The following DLGAP1 variants were observed in gnomAD, a reference collection of about 807,000 sequenced individuals.
DLGAP1 encodes the protein DLG associated protein 1, also known as disks large-associated protein 1.
In DLGAP1, 11 loss-of-function variants were observed where a neutral mutation model predicts 90.8. That is an observed-to-expected ratio of 0.12 (90% CI 0.08 to 0.20). The LOEUF is 0.20. DLGAP1 is among the 10% of genes least tolerant of loss of function. DLGAP1 has a pLI of 1.00. For synonymous variants in DLGAP1, 558 were observed against 540.7 expected (o/e 1.03, Z -0.44); for missense variants, 1,050 against 1,333.8 (o/e 0.79, Z 3.31).
intron 9 of DLGAP1, among the ~76,000 whole-genome samples, chr18:3,536,459 G>A (rs958514618): frequency 6.6e-6 from 1 of 151,980 alleles, no homozygotes; most frequent in Non-Finnish European, 1.5e-5. Context: ...CCTGACCTCA[G>A]GTGATCTGCC....
chr18:4,216,748 G>A (rs1260335588), intron 1 of DLGAP1, among the ~76,000 whole-genome samples: 1 of 151,874 alleles, frequency 6.6e-6, no homozygotes, highest in Non-Finnish European at 1.5e-5. Context: ...AGCAGTTTTG[G>A]GTTTACAGAA....
chr18:3,886,050 G>C (rs1187346949), intron 3 of DLGAP1, among the ~76,000 whole-genome samples: 1 of 152,156 alleles, frequency 6.6e-6, no homozygotes, highest in Non-Finnish European at 1.5e-5. Flanking sequence ...TCTTTATTTA[G>C]AGCTGCTTTT....
At chr18:4,367,715 G>A (rs550307958) in intron 1 of DLGAP1, among the ~76,000 whole-genome samples, 1 of 152,178 alleles carries the variant, frequency 6.6e-6, no homozygotes, top group South Asian at 2.1e-4. Flanking sequence ...TGGGCGTCGT[G>A]GCAGGCACCT....
At chr18:3,703,929 G>T (rs1450206860) in intron 7 of DLGAP1, among the ~76,000 whole-genome samples, 1 of 152,146 alleles carries the variant, frequency 6.6e-6, no homozygotes, top group Non-Finnish European at 1.5e-5. Context: ...CCCTTCACAG[G>T]CAGGGCTTCT....
intron 7 of DLGAP1, among the ~76,000 whole-genome samples, chr18:3,669,951 G>A (rs1053497163): frequency 1.3e-5 from 2 of 152,186 alleles, no homozygotes; most frequent in African/African-American, 2.4e-5. Flanking sequence ...CGTGGGGTGG[G>A]AGCCCTACAG....
chr18:4,356,162 C>T (rs2081510400), intron 1 of DLGAP1, among the ~76,000 whole-genome samples: 1 of 151,722 alleles, frequency 6.6e-6, no homozygotes, highest in African/African-American at 2.4e-5. Flanking sequence ...CATGGACTCT[C>T]CCGATTTTTT....
chr18:4,326,492 T>G (rs1192141574), intron 1 of DLGAP1, among the ~76,000 whole-genome samples: 1 of 152,096 alleles, frequency 6.6e-6, no homozygotes, highest in Admixed American at 6.6e-5. Context: ...CATTATTGGA[T>G]ATATACCCAA....
intron 7 of DLGAP1, among the ~76,000 whole-genome samples, chr18:3,636,714 C>T (rs1212266033): frequency 1.4e-5 from 2 of 145,314 alleles, no homozygotes; most frequent in African/African-American, 5.3e-5. Flanking sequence ...CCATGCTCGG[C>T]CACTTTTACA....
intron 1 of DLGAP1, among the ~76,000 whole-genome samples, chr18:4,405,401 A>G (rs951516916): frequency 7.2e-5 from 11 of 152,162 alleles, no homozygotes; most frequent in Admixed American, 7.2e-4. Flanking sequence ...AACATTCATA[A>G]TTAATTGCAA....
intron 7 of DLGAP1, among the ~76,000 whole-genome samples, chr18:3,725,131 T>A (rs572664172): frequency 1.0e-3 from 157 of 152,336 alleles, no homozygotes; most frequent in African/African-American, 3.3e-3. Context: ...TTACTTTGTG[T>A]CCTTTTTGAA....
intron 6 of DLGAP1, among the ~76,000 whole-genome samples, chr18:3,739,354 T>C (rs1264899091): frequency 1.4e-5 from 2 of 147,436 alleles, no homozygotes; most frequent in Non-Finnish European, 3.0e-5. Flanking sequence ...CTATTCACAA[T>C]AGCAAAGACT....
chr18:4,114,973 ATTG>A (rs1291877058), intron 2 of DLGAP1, among the ~76,000 whole-genome samples: 2 of 151,864 alleles, frequency 1.3e-5, no homozygotes, highest in African/African-American at 4.8e-5. Context: ...TTAATCTGTC[ATTG>A]TTTTTATTTG....
chr18:4,334,503 A>G (rs963334734), intron 1 of DLGAP1, among the ~76,000 whole-genome samples: 1 of 151,866 alleles, frequency 6.6e-6, no homozygotes, highest in African/African-American at 2.4e-5. Flanking sequence ...AGCCCTAATG[A>G]TGGCTGGAAG....
In DLGAP1 at chr18:3,561,716, G is replaced by C. The variant is rs1333994170; in HGVS notation, c.2057+5774C>G. Among the ~76,000 whole-genome samples, 4 of 150,900 alleles carry C rather than the reference G, an allele frequency of 2.7e-5. No individual in the cohort carries two copies. In the South Asian group the frequency reaches 8.3e-4, roughly 31 times the overall value. On this transcript the variant is annotated intron_variant, in intron 9 of 12. Coordinates refer to ENST00000315677, the MANE Select transcript of DLGAP1 (RefSeq NM_004746.4). ...TTCTTGCATGGTTTCCGAGAAGTTG[G>C]ATATACTTCTTTCAATTTTTTTCGT... is the stretch of plus-strand genomic sequence containing the variant.
intron 5 of DLGAP1, chr18:3,770,095 C>T (rs951953380): frequency 2.6e-5 from 4 of 152,088 alleles, no homozygotes; most frequent in East Asian, 3.8e-4. Context: ...AAGTTAGTCT[C>T]CAAATTTTTA....
At chr18:3,645,465 T>C (rs577607662) in intron 7 of DLGAP1, among the ~76,000 whole-genome samples, 1 of 152,288 alleles carries the variant, frequency 6.6e-6, no homozygotes, top group South Asian at 2.1e-4. Flanking sequence ...TGCCTGGATG[T>C]TTTCCCTTGT....
chr18:4,356,697 T>C (rs546270074), intron 1 of DLGAP1, among the ~76,000 whole-genome samples: 1 of 152,310 alleles, frequency 6.6e-6, no homozygotes, highest in African/African-American at 2.4e-5. Flanking sequence ...TACTCTGCCC[T>C]CACTCCCTAC....
intron 7 of DLGAP1, among the ~76,000 whole-genome samples, chr18:3,600,691 T>G (rs1198636019): frequency 1.5e-5 from 1 of 67,572 alleles, no homozygotes; most frequent in Admixed American, 1.5e-4. Context: ...TATAGAGATC[T>G]ATATAGATAT....
chr18:3,858,906 T>C (rs7236779), intron 4 of DLGAP1, among the ~76,000 whole-genome samples: 19,431 of 152,160 alleles, frequency 0.13, 1,298 homozygotes, highest in Admixed American at 0.15. Context: ...GATGAAGCTA[T>C]TGAATGCTTA....
Sources: gnomAD v4.1 joint callset for allele counts (sites outside exome capture counted in the v4.1 genomes callset) on GRCh38, gnomAD v4.1.1 for gene constraint, MANE v1.5 for transcripts, NCBI Gene and HGNC (gene_info 2026-07-23, HGNC 2026-07-21) for gene names.